The following VAV3 variants were observed in gnomAD, a reference collection of about 807,000 sequenced individuals.
VAV3 encodes the protein guanine nucleotide exchange factor VAV3.
In VAV3, 94 loss-of-function variants were observed where a neutral mutation model predicts 131.2. The observed-to-expected ratio is 0.72, with a 90% CI of 0.61 to 0.85. The LOEUF is 0.85. Among genes scored for constraint, VAV3 ranks in the 40% least tolerant of loss-of-function variants. The pLI, the probability that VAV3 is intolerant of heterozygous loss-of-function variation, is 0.00. For synonymous variants in VAV3, 349 were observed against 342.0 expected (o/e 1.02, Z -0.22); for missense variants, 939 against 1,002.7 (o/e 0.94, Z 0.86).
intron 2 of VAV3, among the ~76,000 whole-genome samples, chr1:107,844,278 C>T (rs1174854416): frequency 6.6e-6 from 1 of 152,114 alleles, no homozygotes; most frequent in African/African-American, 2.4e-5. Context: ...AGGGACGGTG[C>T]TATCCGGCCC....
chr1:107,879,352 G>A (rs192514744), intron 1 of VAV3, among the ~76,000 whole-genome samples: 3 of 152,166 alleles, frequency 2.0e-5, no homozygotes, highest in Non-Finnish European at 4.4e-5. Flanking sequence ...GCAACAGAAC[G>A]GCTCATATAC....
intron 19 of VAV3, among the ~76,000 whole-genome samples, chr1:107,662,183 T>C (rs946851780): frequency 6.6e-6 from 1 of 152,130 alleles, no homozygotes; most frequent in Non-Finnish European, 1.5e-5. Context: ...TTTTGCAAAA[T>C]GAGACTGTCA....
chr1:107,595,743 G>C (rs905551190), intron 25 of VAV3, among the ~76,000 whole-genome samples: 1 of 152,022 alleles, frequency 6.6e-6, no homozygotes, highest in Admixed American at 6.6e-5. Flanking sequence ...AGAAATACTA[G>C]CATCCAAAAA....
intron 15 of VAV3, among the ~76,000 whole-genome samples, chr1:107,732,733 C>T (rs575321731): frequency 6.6e-6 from 1 of 152,268 alleles, no homozygotes; most frequent in South Asian, 2.1e-4. Context: ...GTGGAGCCCA[C>T]CTCAGCTCAA....
chr1:107,782,438 T>G (rs921637840), intron 2 of VAV3, among the ~76,000 whole-genome samples: 1 of 152,222 alleles, frequency 6.6e-6, no homozygotes, highest in Non-Finnish European at 1.5e-5. Flanking sequence ...CTGAATTGAA[T>G]GTGTTTTATA....
chr1:107,739,393 G>T (rs943432860), intron 15 of VAV3, among the ~76,000 whole-genome samples: 3 of 152,176 alleles, frequency 2.0e-5, no homozygotes, highest in Admixed American at 2.0e-4. Flanking sequence ...ATTGCTGCCA[G>T]TATAGTTCCC....
At chr1:107,717,230 T>C (rs1348824880) in intron 15 of VAV3, among the ~76,000 whole-genome samples, 1 of 152,222 alleles carries the variant, frequency 6.6e-6, no homozygotes, top group Admixed American at 6.5e-5. Flanking sequence ...TGTGTGTCTC[T>C]ATTTCCTTTA....
intron 21 of VAV3, among the ~76,000 whole-genome samples, chr1:107,615,152 C>A (rs1211339405): frequency 6.6e-6 from 1 of 151,716 alleles, no homozygotes; most frequent in Admixed American, 6.6e-5. Context: ...AATAAAGAGC[C>A]CAGAAATAAT....
At chr1:107,708,354 A>G (rs1399631809) in intron 15 of VAV3, among the ~76,000 whole-genome samples, 1 of 152,240 alleles carries the variant, frequency 6.6e-6, no homozygotes, top group African/African-American at 2.4e-5. Context: ...ATACACATAA[A>G]GAATTCCATT....
intron 17 of VAV3, among the ~76,000 whole-genome samples, chr1:107,702,394 C>A (rs1660186973): frequency 6.6e-6 from 1 of 152,062 alleles, no homozygotes; most frequent in Non-Finnish European, 1.5e-5. Context: ...GCACACAGGG[C>A]CAAACCATAG....
intron 19 of VAV3, among the ~76,000 whole-genome samples, chr1:107,678,377 TA>T (rs1658363515): frequency 2.0e-5 from 3 of 152,198 alleles, no homozygotes; most frequent in Admixed American, 6.5e-5. Flanking sequence ...AATATGGAAA[TA>T]TTCTAATCTA....
chr1:107,628,162 G>T (rs990848439), intron 20 of VAV3, among the ~76,000 whole-genome samples: 1 of 152,086 alleles, frequency 6.6e-6, no homozygotes, highest in Admixed American at 6.6e-5. Flanking sequence ...CAGGAAGAGG[G>T]TAACATATAC....
intron 20 of VAV3, among the ~76,000 whole-genome samples, chr1:107,640,115 T>C (rs1655231555): frequency 6.6e-6 from 1 of 152,134 alleles, no homozygotes; most frequent in Non-Finnish European, 1.5e-5. Context: ...CCTCTTGGCA[T>C]TAGTATCTAA....
At chr1:107,932,182 C>T (rs1326260943) in intron 1 of VAV3, among the ~76,000 whole-genome samples, 3 of 152,182 alleles carry the variant, frequency 2.0e-5, no homozygotes, top group Non-Finnish European at 4.4e-5. Flanking sequence ...GTTAATTCAT[C>T]ACAACAGCTA....
Position 107,924,021 on chromosome 1 carries a change from T to A in VAV3, c.204+40645A>T, listed in dbSNP as rs76618155. On this transcript the variant is annotated intron_variant, in intron 1 of 26. Transcript: ENST00000370056. ...AGCTCCCCAGCCTACAGTATTTTGT[T>A]ATAGCAGCCCAAATCAACCAAAACA... Among the ~76,000 whole-genome samples, 184 of 152,298 alleles carry A rather than the reference T, an allele frequency of 1.2e-3. 1 individual carries two copies. The highest frequency in any genetic ancestry group is 4.3e-3 in the African/African-American group (179 of 41,554).
chr1:107,819,253 A>G (rs568828302), intron 2 of VAV3, among the ~76,000 whole-genome samples: 2 of 152,294 alleles, frequency 1.3e-5, no homozygotes, highest in South Asian at 4.1e-4. Context: ...TGCAGATTAA[A>G]TACATATATA....
rs556033396 is a variant in VAV3, at chr1:107,607,098, GCACCCACAACCA to G, written c.2015+2821_2015+2832del. Among the ~76,000 whole-genome samples, 795 of 151,814 alleles carry G rather than the reference GCACCCACAACCA, an allele frequency of 5.2e-3. 4 individuals carry two copies. Among genetic ancestry groups the G allele is most frequent in the Non-Finnish European group, 8.3e-3 (565 of 67,962 alleles). On this transcript the variant is annotated intron_variant, in intron 22 of 26. Transcript: ENST00000370056. Reference sequence around the variant, plus strand: ...GCCTCCCGAGTAGCTAGGATTACAGGCACCCACAACCACGCCCAGCTAATTTTTTGTATTTTT... The same window carrying G: ...GCCTCCCGAGTAGCTAGGATTACAGGCGCCCAGCTAATTTTTTGTATTTTT...
chr1:107,704,765 G>T, intron 16 of VAV3, 115 bp from the exon 17 acceptor site: 1 of 1,004,400 alleles, frequency 1.0e-6, no homozygotes, highest in Non-Finnish European at 1.5e-6. Context: ...TACCCCCTTG[G>T]TAGAGGGAGA....
At chr1:107,832,948 TC>T (rs1287787935) in intron 2 of VAV3, among the ~76,000 whole-genome samples, 2 of 152,160 alleles carry the variant, frequency 1.3e-5, no homozygotes, top group African/African-American at 4.8e-5. Flanking sequence ...ATTTTCACTA[TC>T]AAAAGTTTTA....
Sources: gnomAD v4.1 joint callset for allele counts (sites outside exome capture counted in the v4.1 genomes callset) on GRCh38, gnomAD v4.1.1 for gene constraint, MANE v1.5 for transcripts, NCBI Gene and HGNC (gene_info 2026-07-23, HGNC 2026-07-21) for gene names.